HDAC7: variants seen among roughly 807,000 people sequenced by gnomAD.
HDAC7 encodes histone deacetylase 7.
HDAC7 carries 26 observed loss-of-function variants against 115.5 expected under a neutral mutation model. The ratio of observed to expected loss-of-function variants is 0.23; its 90% confidence interval spans 0.16 to 0.31. The LOEUF is 0.31. Ranked by LOEUF, HDAC7 falls within the 10% of genes least tolerant of loss-of-function variation. HDAC7 has a pLI of 1.00. For synonymous variants in HDAC7, 564 were observed against 550.9 expected (o/e 1.02, Z -0.33); for missense variants, 1,068 against 1,329.0 (o/e 0.80, Z 3.05).
chr12:47,795,963 G>A lies in HDAC7; in HGVS notation c.849C>T (p.Ala283=), dbSNP rs1172070276. ...CGGGCAGCAAGGACACTGTCGGCAA[G>A]GCGAACGGGGCCACAGAAGTCTCCT... ...RLQETSVAPF[A]LPTVSLLPAI... The change falls in exon 9 of 26, where the codon GCC becomes GCT. Residue 283 remains alanine, a synonymous_variant. Coordinates refer to ENST00000080059, the MANE Select transcript of HDAC7 (RefSeq NM_015401.5). This position sits in a 1 kb window ranked among gnomAD's most constrained non-coding sequence, Gnocchi z 4.3. The A allele has an allele frequency of 1.3e-6, 2 of 1,550,088 alleles. No homozygotes were observed. The highest frequency in any genetic ancestry group is 1.2e-5 in the South Asian group (1 of 84,084).
chr12:47,798,121 C>T lies in HDAC7; in HGVS notation c.448G>A (p.Gly150Ser), dbSNP rs1055000382. The change falls in exon 5 of 26, where the codon GGC becomes AGC. Residue 150 changes from glycine to serine, a missense_variant. By Grantham distance (56) the Gly-to-Ser change is moderately conservative. Coordinates refer to ENST00000080059, the MANE Select transcript of HDAC7 (RefSeq NM_015401.5). The surrounding 1 kb of genome is among the most constrained non-coding windows in gnomAD (Gnocchi z 4.3). ...GGAGGGTGTTACCTGTAGGGAATGC[C>T]GGGGCTGTTGGGATGGACTGTTCTT... is the stretch of plus-strand genomic sequence containing the variant. ...LERTVHPNSP[G>S]IPYRTLEPLE... The T allele has an allele frequency of 1.2e-5, 20 of 1,612,920 alleles. No individual in the cohort carries two copies. The highest frequency in any genetic ancestry group is 1.6e-4 in the Middle Eastern group (1 of 6,082).
At chr12:47,801,452 C>T (rs538627126) in intron 2 of HDAC7, among the ~76,000 whole-genome samples, 1 of 152,190 alleles carries the variant, frequency 6.6e-6, no homozygotes, top group East Asian at 1.9e-4. Flanking sequence ...TCATTGGGCA[C>T]TGGTCACATT....
At chr12:47,816,091 C>T (rs756342757) in intron 1 of HDAC7, among the ~76,000 whole-genome samples, 37 of 151,956 alleles carry the variant, frequency 2.4e-4, no homozygotes, top group Non-Finnish European at 7.4e-5. Context: ...AGGGTTTCGC[C>T]GCATTGGCCA....
At chr12:47,816,360 A>G (rs1944849916) in intron 1 of HDAC7, among the ~76,000 whole-genome samples, 1 of 152,112 alleles carries the variant, frequency 6.6e-6, no homozygotes, top group Non-Finnish European at 1.5e-5. Context: ...GTCCATACAT[A>G]TGGACATGTT....
At position 47,802,278 on chromosome 12, in the gene HDAC7, T is replaced by TAG. The variant is rs761273910; in HGVS notation, c.20-6_20-5dup. ...CCCGGGCTCACCTGGGTCCCATCTG[T>TAG]AGAGAGAGAGACGGAGTGAAAGAGC... On this transcript the variant is annotated splice_region_variant and splice_polypyrimidine_tract_variant and intron_variant, in intron 1 of 25. Transcript: ENST00000080059. The TAG allele has an allele frequency of 4.8e-5, 77 of 1,613,706 alleles. No individual in the cohort carries two copies. The highest frequency in any genetic ancestry group is 4.5e-4 in the Admixed American group (27 of 60,010).
In HDAC7 at chr12:47,795,055, G is replaced by GC; in HGVS notation, c.1285-123dup. On this transcript the variant is annotated intron_variant, in intron 11 of 25. Coordinates refer to ENST00000080059, the MANE Select transcript of HDAC7 (RefSeq NM_015401.5). This position sits in a 1 kb window ranked among gnomAD's most constrained non-coding sequence, Gnocchi z 4.3. ...GACTCCAGCTGCCATGCAGCTCTGG[G>GC]CCCCAAGAAGCCACATCCCCCTCTT... 1 of 1,313,658 alleles carries GC rather than the reference G, an allele frequency of 7.6e-7. No individual in the cohort carries two copies. The highest frequency in any genetic ancestry group is 1.1e-6 in the Non-Finnish European group (1 of 940,642). The allele number at this position is 1,313,658 out of a possible 1,614,324, so 81.4% of individuals were successfully genotyped here.
At chr12:47,806,313 G>A (rs1944401563) in intron 1 of HDAC7, among the ~76,000 whole-genome samples, 1 of 152,260 alleles carries the variant, frequency 6.6e-6, no homozygotes, top group Non-Finnish European at 1.5e-5. Flanking sequence ...CTCCCTCGGT[G>A]ACTGGCAAAG....
At position 47,793,648 on chromosome 12, in the gene HDAC7, G is replaced by T; in HGVS notation, c.1459-60C>A. 2 of 1,341,300 alleles carry T rather than the reference G, an allele frequency of 1.5e-6. No homozygotes were observed. Among genetic ancestry groups the T allele is most frequent in the Non-Finnish European group, 1.0e-6 (1 of 994,462 alleles). 83.1% of individuals were successfully genotyped at this position (1,341,300 alleles called of 1,614,324 possible). A position where few individuals can be genotyped will look rare whatever the true frequency, so the allele number is the denominator to read the frequency against. ...TCAGGGTCCTGCTCCCTCTACTTCT[G>T]CCTGAGGTCTTGGGAACTGCCAAGC... On this transcript the variant is annotated intron_variant, in intron 12 of 25. Coordinates refer to ENST00000080059, the MANE Select transcript of HDAC7 (RefSeq NM_015401.5). This position sits in a 1 kb window ranked among gnomAD's most constrained non-coding sequence, Gnocchi z 4.5.
At chr12:47,815,270 A>G (rs1198325387) in intron 1 of HDAC7, among the ~76,000 whole-genome samples, 2 of 152,198 alleles carry the variant, frequency 1.3e-5, no homozygotes, top group African/African-American at 4.8e-5. Flanking sequence ...ATCAGCCCCA[A>G]TTAGCACCAG....
In HDAC7 at chr12:47,783,862, C is replaced by T. The variant is rs11556814; in HGVS notation, c.2955G>A (p.Glu985=). The change falls in exon 26 of 26, where the codon GAG becomes GAA. Residue 985 remains glutamate, a synonymous_variant. Coordinates refer to ENST00000080059, the MANE Select transcript of HDAC7 (RefSeq NM_015401.5). ...AGCCTTAGAGATTCATAGGTTCTTC[C>T]TCCTCCACCAGCTGCTCCGAGGGCC... ...EDRPSEQLVE[E]EEPMNL 6 of 1,611,892 alleles carry T rather than the reference C, an allele frequency of 3.7e-6. No individual in the cohort carries two copies. The highest frequency in any genetic ancestry group is 8.5e-7 in the Non-Finnish European group (1 of 1,179,486).
intron 13 of HDAC7, chr12:47,792,254 C>T: frequency 1.8e-6 from 1 of 545,004 alleles, no homozygotes. Context: ...CTCCAGCCAA[C>T]ATGGCTGCCA....
upstream of HDAC7, chr12:47,819,973 C>G (rs1474969444): frequency 7.1e-6 from 1 of 140,286 alleles, no homozygotes; most frequent in Non-Finnish European, 1.5e-5. Flanking sequence ...GAAGGAAATG[C>G]TTTATCTGAG....
Position 47,793,246 on chromosome 12 carries a change from G to A in HDAC7, c.1678+123C>T, listed in dbSNP as rs1383662831. The stretch of plus-strand genomic sequence containing the variant: ...GTTCCATGTGCTCCATGGGTACTAC[G>A]TGGGCCTAACAAGGCTAAGCACTCT... On this transcript the variant is annotated intron_variant, in intron 13 of 25. Coordinates refer to ENST00000080059, the MANE Select transcript of HDAC7 (RefSeq NM_015401.5). The surrounding 1 kb of genome is among the most constrained non-coding windows in gnomAD (Gnocchi z 4.5). 33 of 692,748 alleles carry A rather than the reference G, an allele frequency of 4.8e-5. No individual in the cohort carries two copies. The highest frequency in any genetic ancestry group is 8.1e-5 in the South Asian group (4 of 49,218). The allele number at this position is 692,748 out of a possible 1,614,324, so 42.9% of individuals were successfully genotyped here.
intron 25 of HDAC7, 58 bp from the exon 26 acceptor site, chr12:47,783,944 G>A (rs1943000420): frequency 6.2e-7 from 1 of 1,608,712 alleles, no homozygotes. Flanking sequence ...AAGGGCCTTA[G>A]CTAAGCTTCC....
At position 47,802,218 on chromosome 12, in the gene HDAC7, T is replaced by G. The variant is rs373132317; in HGVS notation, c.70+6A>C. 3.7e-6 allele frequency: 6 copies of G among 1,613,212 alleles called. No homozygotes were observed. Among genetic ancestry groups the G allele is most frequent in the African/African-American group, 1.3e-5 (1 of 74,986 alleles). On this transcript the variant is annotated splice_donor_region_variant and intron_variant, in intron 2 of 25. Transcript: ENST00000080059. ...TACCATGGACTCCCCCGGGTTTGACTCTTACCTGCGCCAGTGGGGCTGCAG... is the reference window on the plus strand; with the variant it reads ...TACCATGGACTCCCCCGGGTTTGACGCTTACCTGCGCCAGTGGGGCTGCAG...
intron 16 of HDAC7, chr12:47,790,941 C>T: frequency 2.1e-6 from 1 of 469,488 alleles, no homozygotes; most frequent in Non-Finnish European, 3.8e-6. Flanking sequence ...AATGCCCAGT[C>T]ATGGGGGTCT....
rs572086494 is a variant in HDAC7 at position 47,810,641 on chromosome 12, G to A, written c.20-8367C>T. 5.9e-5 allele frequency among the ~76,000 whole-genome samples: 9 copies of A among 152,284 alleles called. No homozygotes were observed. In the East Asian group the frequency reaches 1.5e-3, roughly 26 times the overall value. On this transcript the variant is annotated intron_variant, in intron 1 of 25. Transcript: ENST00000080059. ...TGTTTCCTGTTAGCTGCCTCCAGCA[G>A]GGTATAACTAAACAAGCAAACCTCC...
At chr12:47,790,828 C>T (rs73107964) in intron 16 of HDAC7, 41,229 of 231,118 alleles carry the variant, frequency 0.18, 4,789 homozygotes, top group Non-Finnish European at 0.25. Flanking sequence ...CCAAGGACAC[C>T]GGAAGCACCA....
rs1248117169 is a variant in HDAC7 at position 47,783,045 on chromosome 12, G to A, written c.*796C>T. 6.6e-6 allele frequency: 1 copy of A among 152,640 alleles called. No homozygotes were observed. Among genetic ancestry groups the A allele is most frequent in the Non-Finnish European group, 1.5e-5 (1 of 68,144 alleles). 9.5% of individuals were successfully genotyped at this position (152,640 alleles called of 1,614,324 possible). The stretch of plus-strand genomic sequence containing the variant: ...GGTGGGAATCAGAGCTATGGTGGGG[G>A]AGGCCCCAGAAACAGAGAAGGCTCC... On this transcript the variant is annotated 3_prime_UTR_variant, in exon 26 of 26. Coordinates refer to ENST00000080059, the MANE Select transcript of HDAC7 (RefSeq NM_015401.5).
Sources: gnomAD v4.1 joint callset for allele counts (sites outside exome capture counted in the v4.1 genomes callset) on GRCh38, gnomAD v4.1.1 for gene constraint, Gnocchi (gnomAD v3.1) non-coding constraint, MANE v1.5 for transcripts, NCBI Gene and HGNC (gene_info 2026-07-23, HGNC 2026-07-21) for gene names.